MYOM2: variants seen among roughly 807,000 people sequenced by gnomAD.
The protein encoded by MYOM2 is myomesin-2.
Under a neutral mutation model 187.6 loss-of-function variants are expected in MYOM2, and 254 were observed. The observed-to-expected ratio is 1.35, with a 90% CI of 1.22 to 1.50. The LOEUF is 1.50. Among genes scored for constraint, MYOM2 ranks in the 40% most tolerant of loss-of-function variants. The probability of loss-of-function intolerance (pLI) is 0.00; values close to 1 mark genes in which losing one functional copy is unlikely to be tolerated. For synonymous variants in MYOM2, 981 were observed against 753.8 expected (o/e 1.30, Z -4.94); for missense variants, 2,796 against 1,924.0 (o/e 1.45, Z -8.48).
chr8:2,095,281 G>GA (rs1325368194), intron 17 of MYOM2, among the ~76,000 whole-genome samples: 4 of 150,272 alleles, frequency 2.7e-5, no homozygotes, highest in African/African-American at 9.9e-5. Context: ...CCTACTAAAG[G>GA]AAAACCACTT....
chr8:2,143,865 A>G (rs1798364340), intron 36 of MYOM2, among the ~76,000 whole-genome samples: 1 of 152,182 alleles, frequency 6.6e-6, no homozygotes, highest in Non-Finnish European at 1.5e-5. Flanking sequence ...GTGAAACAGC[A>G]CAGCTTTTAC....
chr8:2,109,309 G>A, intron 24 of MYOM2, 86 bp from the exon 25 acceptor site: 1 of 1,392,196 alleles, frequency 7.2e-7, no homozygotes, highest in Non-Finnish European at 9.7e-7. Flanking sequence ...CTAATAACTA[G>A]GATTGATATT....
chr8:2,139,084 C>A (rs990956089), intron 32 of MYOM2, among the ~76,000 whole-genome samples: 2 of 147,052 alleles, frequency 1.4e-5, no homozygotes, highest in East Asian at 4.1e-4. Context: ...ACCAGAGACC[C>A]GACACACACT....
In MYOM2 at chr8:2,123,602, C is replaced by G. The variant is rs767302291; in HGVS notation, c.3615C>G (p.Asp1205Glu). Reference protein sequence around the residue: ...HGEYKATLKDDRGQDVSILEI... With the variant: ...HGEYKATLKDERGQDVSILEI... ...AATACAAGGCAACCTTGAAAGATGA[C>G]AGAGGCCAAGATGTGTCCATCCTTG... The change falls in exon 30 of 37, where the codon GAC becomes GAG. Residue 1205 changes from aspartate (D) to glutamate (E), a missense_variant. Coordinates refer to ENST00000262113, the MANE Select transcript of MYOM2 (RefSeq NM_003970.4). 5.0e-6 allele frequency: 8 copies of G among 1,614,158 alleles called. No homozygotes were observed. Among genetic ancestry groups the G allele is most frequent in the Non-Finnish European group, 6.8e-6 (8 of 1,180,004 alleles).
intron 13 of MYOM2, among the ~76,000 whole-genome samples, chr8:2,082,732 C>T (rs1023927532): frequency 1.3e-5 from 2 of 152,198 alleles, no homozygotes; most frequent in African/African-American, 4.8e-5. Context: ...CTGTGTTATT[C>T]TCTCCTAATT....
At chr8:2,078,087 GT>G (rs761469794) in intron 11 of MYOM2, among the ~76,000 whole-genome samples, 4 of 152,136 alleles carry the variant, frequency 2.6e-5, no homozygotes, top group Non-Finnish European at 4.4e-5. Context: ...TCATGTGAAG[GT>G]TTTTTTCTTA....
intron 11 of MYOM2, chr8:2,076,568 C>G (rs1002218309): frequency 5.1e-6 from 2 of 392,668 alleles, no homozygotes; most frequent in African/African-American, 4.1e-5. Context: ...CAGGCTCACT[C>G]TGAGCCCCGC....
chr8:2,047,169 C>T (rs1187259757), intron 1 of MYOM2, among the ~76,000 whole-genome samples: 10 of 152,168 alleles, frequency 6.6e-5, no homozygotes, highest in Admixed American at 3.9e-4. Flanking sequence ...TTGGCAAGTC[C>T]TCTCCAGGGT....
chr8:2,106,390 G>C lies in MYOM2; in HGVS notation c.2883G>C (p.Val961=). The change falls in exon 22 of 37, where the codon GTG becomes GTC. Residue 961 remains valine (V), a synonymous_variant. Coordinates refer to ENST00000262113, the MANE Select transcript of MYOM2 (RefSeq NM_003970.4). Reference sequence around the variant, plus strand: ...ATGAGAGGTTTAAAATTGAAACCGTGGGGGATCAGTAAGTGAGGCCTGGAA... The same window carrying C: ...ATGAGAGGTTTAAAATTGAAACCGTCGGGGATCAGTAAGTGAGGCCTGGAA... ...SDDERFKIET[V]GDHSKLYLKN... The C allele has an allele frequency of 6.2e-7, 1 of 1,613,832 alleles. No homozygotes were observed. Among genetic ancestry groups the C allele is most frequent in the Non-Finnish European group, 8.5e-7 (1 of 1,179,744 alleles).
intron 23 of MYOM2, among the ~76,000 whole-genome samples, chr8:2,107,755 G>C (rs1460396512): frequency 2.0e-5 from 3 of 152,214 alleles, no homozygotes; most frequent in Non-Finnish European, 4.4e-5. Flanking sequence ...TTTTAAAGCA[G>C]CCTCTGTTGG....
In MYOM2 at chr8:2,059,616, A is replaced by C. The variant is rs541768167; in HGVS notation, c.653+371A>C. Among the ~76,000 whole-genome samples the C allele has an allele frequency of 1.3e-4, 20 of 152,302 alleles. No individual in the cohort carries two copies. The South Asian group carries it at 3.5e-3, about 27-fold the overall frequency. ...AATGATAACCTTTATTTTCTTTTAT[A>C]ACAAATCAAAAAAGTATATGAAATG... On this transcript the variant is annotated intron_variant, in intron 6 of 36. Transcript: ENST00000262113.
At chr8:2,057,915 T>C (rs1818724972) in intron 5 of MYOM2, 135 bp downstream of exon 5, 1 of 872,570 alleles carries the variant, frequency 1.1e-6, no homozygotes, top group East Asian at 2.8e-5. Flanking sequence ...AGAAATATGT[T>C]TATAGAAGCT....
intron 25 of MYOM2, among the ~76,000 whole-genome samples, chr8:2,114,916 A>G (rs987032115): frequency 1.3e-5 from 2 of 152,218 alleles, no homozygotes; most frequent in African/African-American, 4.8e-5. Flanking sequence ...ACTCGTTTTC[A>G]GAATTACAAG....
In MYOM2 at chr8:2,111,892, C is replaced by G. The variant is rs117653426; in HGVS notation, c.3180+2361C>G. 2.2e-3 allele frequency among the ~76,000 whole-genome samples: 331 copies of G among 152,278 alleles called. 1 individual carries two copies. Among genetic ancestry groups the G allele is most frequent in the Non-Finnish European group, 3.0e-3 (203 of 68,032 alleles). On this transcript the variant is annotated intron_variant, in intron 25 of 36. Coordinates refer to ENST00000262113, the MANE Select transcript of MYOM2 (RefSeq NM_003970.4). ...GTCTCAGTGATCTTACACAAGTATACGCTGTGTGATCTACATCTCTGATAT... is the reference window on the plus strand; with the variant it reads ...GTCTCAGTGATCTTACACAAGTATAGGCTGTGTGATCTACATCTCTGATAT...
intron 8 of MYOM2, among the ~76,000 whole-genome samples, chr8:2,070,724 A>G (rs1321077572): frequency 6.6e-6 from 1 of 152,238 alleles, no homozygotes; most frequent in Non-Finnish European, 1.5e-5. Flanking sequence ...CGTGTTTGAC[A>G]GAGGGAAATA....
intron 19 of MYOM2, among the ~76,000 whole-genome samples, chr8:2,100,113 T>TTCCTTCCTTCC (rs1796645805): frequency 4.3e-4 from 27 of 62,706 alleles, no homozygotes; most frequent in South Asian, 4.0e-3. Flanking sequence ...TCCTTCTTTC[T>TTCCTTCCTTCC]TTCCTTCCTT....
At chr8:2,129,054 C>T (rs79864319) in intron 31 of MYOM2, 73 bp from the exon 32 acceptor site, 34,638 of 1,144,038 alleles carry the variant, frequency 0.03, 579 homozygotes, top group Middle Eastern at 0.037. Flanking sequence ...GAGGGCTTGC[C>T]GCCGCGATGC....
rs749102246 is a variant in MYOM2, at chr8:2,057,465, C to G, written c.381C>G (p.Asp127Glu). The change falls in exon 4 of 37, where the codon GAC becomes GAG. Residue 127 changes from aspartate (D) to glutamate (E), a missense_variant. Coordinates refer to ENST00000262113, the MANE Select transcript of MYOM2 (RefSeq NM_003970.4). ...GCTCCCAGGCCCGCGACAAGCTGGACAAATACGCCATTCAGCAGATGGTAG... is the reference window on the plus strand; with the variant it reads ...GCTCCCAGGCCCGCGACAAGCTGGAGAAATACGCCATTCAGCAGATGGTAG... Reference protein sequence around the residue: ...LARSQARDKLDKYAIQQMMED... With the variant: ...LARSQARDKLEKYAIQQMMED... The G allele has an allele frequency of 1.2e-6, 2 of 1,614,078 alleles. No homozygotes were observed. Among genetic ancestry groups the G allele is most frequent in the East Asian group, 4.5e-5 (2 of 44,872 alleles).
In MYOM2 at chr8:2,073,328, C is replaced by T. The variant is rs375879799; in HGVS notation, c.959-11C>T. 1.4e-5 allele frequency: 23 copies of T among 1,597,278 alleles called. No individual in the cohort carries two copies. The highest frequency in any genetic ancestry group is 1.1e-4 in the African/African-American group (8 of 74,198). ...TTTGGATGCAAACCTTCCGTGTTAA[C>T]GCTCTTTCAGACGTGCTGTTGAAAG... is the stretch of plus-strand genomic sequence containing the variant. On this transcript the variant is annotated splice_polypyrimidine_tract_variant and intron_variant, in intron 9 of 36. Transcript: ENST00000262113.
Sources: allele counts gnomAD v4.1 joint callset (sites outside exome capture counted in the v4.1 genomes callset), GRCh38; gene constraint gnomAD v4.1.1; transcripts MANE v1.5; gene names NCBI Gene and HGNC (gene_info 2026-07-23, HGNC 2026-07-21).